The following SRD5A2 variants were observed in gnomAD, a reference collection of about 807,000 sequenced individuals.
SRD5A2 encodes steroid 5 alpha-reductase 2.
In SRD5A2, 30 loss-of-function variants were observed where a neutral mutation model predicts 27.4. The observed-to-expected ratio is 1.10, with a 90% CI of 0.82 to 1.49. SRD5A2 has a LOEUF of 1.49. Ranked by LOEUF, SRD5A2 falls within the 40% of genes most tolerant of loss-of-function variation. SRD5A2 has a pLI of 0.00. For missense variants in SRD5A2, 348 were observed against 323.4 expected (o/e 1.08, Z -0.58); for synonymous variants, 141 against 133.6 (o/e 1.06, Z -0.38).
At chr2:31,659,576 T>C in the SRD5A2 span, among the ~76,000 whole-genome samples, 1 of 152,080 alleles carries the variant, frequency 6.6e-6, no homozygotes, top group South Asian at 2.1e-4. Context: ...TGCAATCCCA[T>C]TCACAATTAC....
At chr2:31,655,378 G>A in the SRD5A2 span, among the ~76,000 whole-genome samples, 1 of 152,218 alleles carries the variant, frequency 6.6e-6, no homozygotes, top group African/African-American at 2.4e-5. Flanking sequence ...TGGGACTACA[G>A]GCATGAGCCA....
chr2:31,553,517 G>A (rs974539244), intron 1 of SRD5A2, among the ~76,000 whole-genome samples: 7 of 152,058 alleles, frequency 4.6e-5, no homozygotes, highest in East Asian at 1.9e-4. Context: ...AGAAATTGTC[G>A]AAGGCAGCAA....
chr2:31,562,022 A>T (rs1666634407), intron 1 of SRD5A2, among the ~76,000 whole-genome samples: 3 of 152,180 alleles, frequency 2.0e-5, no homozygotes, highest in Admixed American at 6.5e-5. Context: ...GATGGTTTTC[A>T]GCTTGAAGTA....
chr2:31,632,570 G>T, the SRD5A2 span, among the ~76,000 whole-genome samples: 1 of 151,822 alleles, frequency 6.6e-6, no homozygotes, highest in Non-Finnish European at 1.5e-5. Flanking sequence ...ATGCTTGAGC[G>T]TTGGGGGCCA....
At chr2:31,662,596 G>A in the SRD5A2 span, among the ~76,000 whole-genome samples, 3 of 152,130 alleles carry the variant, frequency 2.0e-5, no homozygotes, top group African/African-American at 7.2e-5. Context: ...ATGAGAGATC[G>A]TGCCTGGTCT....
intron 1 of SRD5A2, among the ~76,000 whole-genome samples, chr2:31,570,541 G>A (rs1666829337): frequency 1.3e-5 from 2 of 152,150 alleles, no homozygotes; most frequent in Admixed American, 1.3e-4. Context: ...TCAGGTAAGA[G>A]AAAGAAATAA....
the SRD5A2 span, among the ~76,000 whole-genome samples, chr2:31,593,552 C>T: frequency 2.6e-5 from 4 of 152,082 alleles, no homozygotes; most frequent in Non-Finnish European, 5.9e-5. Context: ...TGTTAAACAA[C>T]CAAACATAAG....
At chr2:31,526,770 T>C (rs1264839933) in intron 4 of SRD5A2, among the ~76,000 whole-genome samples, 3 of 152,090 alleles carry the variant, frequency 2.0e-5, no homozygotes, top group Admixed American at 2.0e-4. Flanking sequence ...AAAAGATATG[T>C]TGAAGTCCTA....
chr2:31,552,553 A>G (rs1386012976), intron 1 of SRD5A2, among the ~76,000 whole-genome samples: 1 of 152,154 alleles, frequency 6.6e-6, no homozygotes, highest in East Asian at 1.9e-4. Context: ...GAGAAATTGC[A>G]GAACCTAGGC....
At chr2:31,616,259 C>A in the SRD5A2 span, among the ~76,000 whole-genome samples, 1 of 152,152 alleles carries the variant, frequency 6.6e-6, no homozygotes, top group Admixed American at 6.5e-5. Flanking sequence ...AGGGTTGAAG[C>A]CCATACACAG....
the SRD5A2 span, among the ~76,000 whole-genome samples, chr2:31,601,759 T>C: frequency 1.8e-4 from 27 of 152,026 alleles, no homozygotes; most frequent in Non-Finnish European, 2.1e-4. Flanking sequence ...GTTCAACATA[T>C]GCAAATCAAT....
the SRD5A2 span, among the ~76,000 whole-genome samples, chr2:31,602,174 G>C: frequency 6.6e-6 from 1 of 152,070 alleles, no homozygotes. Flanking sequence ...CATTGTCTCA[G>C]CCCAAAAGCT....
the SRD5A2 span, among the ~76,000 whole-genome samples, chr2:31,619,571 CTT>C: frequency 2.6e-5 from 4 of 151,972 alleles, no homozygotes; most frequent in Non-Finnish European, 5.9e-5. Flanking sequence ...TGTAAAATCA[CTT>C]TCTTTTCTCC....
At chr2:31,561,242 G>A (rs775112668) in intron 1 of SRD5A2, among the ~76,000 whole-genome samples, 24 of 152,082 alleles carry the variant, frequency 1.6e-4, no homozygotes, top group Non-Finnish European at 3.1e-4. Context: ...TTTACAGTGT[G>A]GATTAGCCCA....
intron 1 of SRD5A2, among the ~76,000 whole-genome samples, chr2:31,542,422 G>A (rs1666147387): frequency 6.6e-6 from 1 of 152,124 alleles, no homozygotes; most frequent in Non-Finnish European, 1.5e-5. Context: ...TAAGGCAGAA[G>A]GATCACCTGA....
the SRD5A2 span, among the ~76,000 whole-genome samples, chr2:31,637,143 C>T: frequency 6.6e-6 from 1 of 151,978 alleles, no homozygotes; most frequent in Non-Finnish European, 1.5e-5. Flanking sequence ...TGGCTTAGAT[C>T]TCATTACTTG....
chr2:31,529,931 T>C (rs1665869664), intron 3 of SRD5A2, among the ~76,000 whole-genome samples: 1 of 152,182 alleles, frequency 6.6e-6, no homozygotes, highest in African/African-American at 2.4e-5. Flanking sequence ...ATTTAGATTC[T>C]CTTATGGGAT....
intron 1 of SRD5A2, among the ~76,000 whole-genome samples, chr2:31,540,093 G>A (rs962459036): frequency 6.6e-6 from 1 of 151,942 alleles, no homozygotes; most frequent in Non-Finnish European, 1.5e-5. Context: ...CACTCAAACT[G>A]GTAAAATGAC....
At chr2:31,560,211 T>C (rs1299407930) in intron 1 of SRD5A2, among the ~76,000 whole-genome samples, 1 of 152,148 alleles carries the variant, frequency 6.6e-6, no homozygotes, top group Non-Finnish European at 1.5e-5. Flanking sequence ...AATGGGACAT[T>C]CCATTCTTCT....
Sources: gnomAD v4.1 joint callset for allele counts (sites outside exome capture counted in the v4.1 genomes callset) on GRCh38, gnomAD v4.1.1 for gene constraint, MANE v1.5 for transcripts, NCBI Gene and HGNC (gene_info 2026-07-23, HGNC 2026-07-21) for gene names.